SORCS3: variants seen among roughly 807,000 people sequenced by gnomAD.
SORCS3 encodes the protein VPS10 domain-containing receptor SorCS3.
A neutral mutation model predicts 146.3 loss-of-function variants in SORCS3; 57 were observed. The observed-to-expected ratio is 0.39, with a 90% CI of 0.31 to 0.49. The LOEUF (loss-of-function observed/expected upper bound fraction) is 0.49, where lower values mean the gene tolerates loss of function less well. Among genes scored for constraint, SORCS3 ranks in the 20% least tolerant of loss-of-function variants. The probability of loss-of-function intolerance (pLI) is 0.92; values close to 1 mark genes in which losing one functional copy is unlikely to be tolerated. For missense variants in SORCS3, 1,341 were observed against 1,575.5 expected (o/e 0.85, Z 2.52); for synonymous variants, 653 against 618.5 (o/e 1.06, Z -0.83).
intron 3 of SORCS3, among the ~76,000 whole-genome samples, chr10:104,937,989 A>G (rs1282809343): frequency 6.6e-6 from 1 of 152,152 alleles, no homozygotes; most frequent in Non-Finnish European, 1.5e-5. Flanking sequence ...CTGGTGAAGG[A>G]TGACAGATTG....
intron 2 of SORCS3, among the ~76,000 whole-genome samples, chr10:104,866,900 A>T (rs947500962): frequency 2.6e-5 from 4 of 152,168 alleles, no homozygotes; most frequent in Non-Finnish European, 4.4e-5. Context: ...GAAGAATTAG[A>T]CTTTAGGAAG....
Position 104,921,503 on chromosome 10 carries a change from CTGTG to C in SORCS3, c.795+5602_795+5605del, listed in dbSNP as rs752411926. On this transcript the variant is annotated intron_variant, in intron 3 of 26. Transcript: ENST00000369701. ...GGTACATGTCTCTCTCTCTCTCTCT[CTGTG>C]TGTGTGTGTGTGTGTGTGTGTGTGT... Among the ~76,000 whole-genome samples, 598 of 143,422 alleles carry C rather than the reference CTGTG, an allele frequency of 4.2e-3. 4 individuals are homozygous for C. The highest frequency in any genetic ancestry group is 0.014 in the Middle Eastern group (4 of 282). The allele number at this position is 143,422 out of a possible 152,430, so 94.1% of individuals were successfully genotyped here. A position where few individuals can be genotyped will look rare whatever the true frequency, so the allele number is the denominator to read the frequency against.
chr10:105,080,370 T>C (rs1230011261), intron 5 of SORCS3, among the ~76,000 whole-genome samples: 1 of 152,236 alleles, frequency 6.6e-6, no homozygotes, highest in African/African-American at 2.4e-5. Flanking sequence ...TTGAAAAGTA[T>C]CTGTTCATGT....
chr10:104,655,109 C>T (rs1025199523), intron 1 of SORCS3, among the ~76,000 whole-genome samples: 2 of 151,902 alleles, frequency 1.3e-5, no homozygotes, highest in Non-Finnish European at 2.9e-5. Flanking sequence ...AAAAATTAGC[C>T]AGGTGTGGTG....
intron 1 of SORCS3, among the ~76,000 whole-genome samples, chr10:104,652,621 G>A (rs142681021): frequency 1.9e-4 from 29 of 152,192 alleles, no homozygotes; most frequent in Non-Finnish European, 3.5e-4. Flanking sequence ...CCATTAACAC[G>A]CATACCATGG....
intron 11 of SORCS3, among the ~76,000 whole-genome samples, chr10:105,162,904 A>G (rs1447506250): frequency 6.6e-6 from 1 of 152,144 alleles, no homozygotes; most frequent in South Asian, 2.1e-4. Flanking sequence ...TTCTGTCAAA[A>G]CCAAAGAATC....
At chr10:105,209,637 AG>A in intron 16 of SORCS3, among the ~76,000 whole-genome samples, 1 of 152,336 alleles carries the variant, frequency 6.6e-6, no homozygotes, top group African/African-American at 2.4e-5. Flanking sequence ...TGTCTGGGGA[AG>A]CAGTGATGGC....
intron 4 of SORCS3, among the ~76,000 whole-genome samples, chr10:104,995,135 T>TTTTTC (rs968806956): frequency 1.3e-5 from 2 of 151,690 alleles, no homozygotes; most frequent in African/African-American, 2.4e-5. Flanking sequence ...TTCTTTTTTC[T>TTTTTC]TTTTCTTTTC....
chr10:105,165,863 G>A (rs1415494844), intron 12 of SORCS3, among the ~76,000 whole-genome samples: 1 of 152,060 alleles, frequency 6.6e-6, no homozygotes, highest in African/African-American at 2.4e-5. Flanking sequence ...ACTAGACAGG[G>A]CAAAAATGAG....
intron 2 of SORCS3, among the ~76,000 whole-genome samples, chr10:104,903,021 G>T (rs954290987): frequency 6.6e-6 from 1 of 152,184 alleles, no homozygotes; most frequent in Non-Finnish European, 1.5e-5. Flanking sequence ...TGAAGCAGAT[G>T]CTCAATTACC....
chr10:104,821,683 G>T (rs908255018), intron 1 of SORCS3, among the ~76,000 whole-genome samples: 1 of 152,182 alleles, frequency 6.6e-6, no homozygotes, highest in African/African-American at 2.4e-5. Context: ...CATTTCTCCT[G>T]ACTTCTCCCT....
At chr10:105,009,242 G>A (rs2055116232) in intron 4 of SORCS3, among the ~76,000 whole-genome samples, 2 of 152,148 alleles carry the variant, frequency 1.3e-5, no homozygotes, top group African/African-American at 4.8e-5. Context: ...AGCCAAAGGA[G>A]AAACTAATTT....
chr10:105,123,057 T>C (rs2055946133), intron 7 of SORCS3, among the ~76,000 whole-genome samples: 2 of 152,250 alleles, frequency 1.3e-5, no homozygotes, highest in East Asian at 3.8e-4. Context: ...AAATCTTCTG[T>C]TGTTGTTCTT....
rs147717672 is a variant in SORCS3, at chr10:104,736,077, C to T, written c.627+94123C>T. On this transcript the variant is annotated intron_variant, in intron 1 of 26. Coordinates refer to ENST00000369701, the MANE Select transcript of SORCS3 (RefSeq NM_014978.3). ...CCTTGGGCTGGTGTTAAACAGCTGT[C>T]ATACAAGGGCTGCCCAGGAATCCAG... 1.4e-3 allele frequency among the ~76,000 whole-genome samples: 206 copies of T among 152,280 alleles called. 1 individual carries two copies. Among genetic ancestry groups the T allele is most frequent in the African/African-American group, 4.4e-3 (181 of 41,562 alleles).
intron 2 of SORCS3, among the ~76,000 whole-genome samples, chr10:104,879,915 C>T (rs536881079): frequency 5.6e-4 from 86 of 152,258 alleles, no homozygotes; most frequent in African/African-American, 1.7e-3. Context: ...TGATGAAATC[C>T]GGTGAATTTA....
intron 4 of SORCS3, among the ~76,000 whole-genome samples, chr10:104,994,458 A>C (rs1285271980): frequency 2.0e-5 from 3 of 152,140 alleles, no homozygotes; most frequent in Non-Finnish European, 4.4e-5. Flanking sequence ...TATAATTGAC[A>C]CTCAGTAACC....
chr10:105,174,334 C>G (rs2056382527), intron 13 of SORCS3, among the ~76,000 whole-genome samples: 1 of 152,054 alleles, frequency 6.6e-6, no homozygotes, highest in African/African-American at 2.4e-5. Context: ...TAATGAGCTA[C>G]TGACCTGAGG....
intron 22 of SORCS3, among the ~76,000 whole-genome samples, chr10:105,248,233 T>G (rs2056878743): frequency 1.3e-5 from 2 of 152,232 alleles, no homozygotes; most frequent in Non-Finnish European, 1.5e-5. Flanking sequence ...AGCTCTAAGC[T>G]AGAGGCATGG....
intron 1 of SORCS3, among the ~76,000 whole-genome samples, chr10:104,719,439 T>C (rs2016517942): frequency 6.6e-6 from 1 of 152,206 alleles, no homozygotes; most frequent in East Asian, 1.9e-4. Flanking sequence ...ACTTCCGTAT[T>C]CCTTGACTCT....
Sources: gnomAD v4.1 joint callset for allele counts (sites outside exome capture counted in the v4.1 genomes callset) on GRCh38, gnomAD v4.1.1 for gene constraint, MANE v1.5 for transcripts, NCBI Gene and HGNC (gene_info 2026-07-23, HGNC 2026-07-21) for gene names.